The following SPAG17 variants were observed in gnomAD, a reference collection of about 807,000 sequenced individuals.
The protein encoded by SPAG17 is sperm-associated antigen 17.
In SPAG17, 169 loss-of-function variants were observed where a neutral mutation model predicts 273.6. That is an observed-to-expected ratio of 0.62 (90% CI 0.55 to 0.70). The LOEUF (loss-of-function observed/expected upper bound fraction) is 0.70. SPAG17 is among the 30% of genes least tolerant of loss of function. The pLI, the probability that SPAG17 is intolerant of heterozygous loss-of-function variation, is 0.00. For missense variants in SPAG17, 2,557 were observed against 2,627.8 expected (o/e 0.97, Z 0.59); for synonymous variants, 825 against 873.2 (o/e 0.94, Z 0.97).
chr1:118,174,881 A>G (rs1199674429), intron 1 of SPAG17, among the ~76,000 whole-genome samples: 1 of 152,208 alleles, frequency 6.6e-6, no homozygotes, highest in East Asian at 1.9e-4. Flanking sequence ...TGCTTCAAAA[A>G]TGAAGAAGAA....
In SPAG17 at chr1:118,151,354, A is replaced by G; in HGVS notation, c.103T>C (p.Ser35Pro). The G allele has an allele frequency of 6.2e-7, 1 of 1,612,506 alleles. No homozygotes were observed. The highest frequency in any genetic ancestry group is 2.2e-5 in the East Asian group (1 of 44,840). ...AQFNQNDWQA[S>P]IAFVVGNQIE... ...TGGTTCCCAACCACAAAAGCAATGG[A>G]GGCCTGCCAATCGTTCTATTAAAAA... The change falls in exon 2 of 49, where the codon TCC (serine) becomes CCC (proline). Residue 35 changes from serine (S) to proline (P), a missense_variant. Coordinates refer to ENST00000336338, the MANE Select transcript of SPAG17 (RefSeq NM_206996.4).
chr1:118,143,625 T>C (rs1373001520), intron 3 of SPAG17, among the ~76,000 whole-genome samples: 1 of 152,248 alleles, frequency 6.6e-6, no homozygotes, highest in Non-Finnish European at 1.5e-5. Context: ...ATACATGTGT[T>C]CAATAAGTGG....
At position 118,091,694 on chromosome 1, in the gene SPAG17, A is replaced by T. The variant is rs149356197; in HGVS notation, c.1271T>A (p.Val424Glu). ...CAAATAATTGTAATATCTCATGTCTACTTCAGTTGTGATGACTGAAGTCAC... is the reference window on the plus strand; with the variant it reads ...CAAATAATTGTAATATCTCATGTCTTCTTCAGTTGTGATGACTGAAGTCAC... ...PPVTSVITTE[V>E]DMRYYNYLLN... The change falls in exon 10 of 49, where the codon GTA (valine) becomes GAA (glutamate). Residue 424 changes from valine to glutamate, a missense_variant. Transcript: ENST00000336338. The T allele has an allele frequency of 1.2e-6, 2 of 1,610,044 alleles. No homozygotes were observed. Among genetic ancestry groups the T allele is most frequent in the Middle Eastern group, 1.7e-4 (1 of 6,048 alleles).
At chr1:118,040,119 C>A (rs1219688412) in intron 22 of SPAG17, among the ~76,000 whole-genome samples, 1 of 152,132 alleles carries the variant, frequency 6.6e-6, no homozygotes, top group Non-Finnish European at 1.5e-5. Context: ...ACAACGCATT[C>A]TCTTTTTTAG....
At chr1:117,994,202 A>G (rs975662387) in intron 35 of SPAG17, among the ~76,000 whole-genome samples, 4 of 152,182 alleles carry the variant, frequency 2.6e-5, no homozygotes, top group Non-Finnish European at 5.9e-5. Context: ...AACTGAAATG[A>G]GCTAGCCAGG....
Position 118,093,249 on chromosome 1 carries a change from C to A in SPAG17, c.1080G>T (p.Arg360Ser). The change falls in exon 8 of 49, where the codon AGG becomes AGT. Residue 360 changes from arginine (R) to serine (S), a missense_variant. Physicochemically the swap from Arg to Ser is moderately radical, Grantham distance 110. Coordinates refer to ENST00000336338, the MANE Select transcript of SPAG17 (RefSeq NM_206996.4). ...CLMYDILDWKRQHQHYLESMQ... is the reference protein window; with the variant it reads ...CLMYDILDWKSQHQHYLESMQ... Reference sequence around the variant, plus strand: ...TGCTTTCCAAATAGTGCTGGTGCTGCCTTTTCCAATCCAGGATGTCATACA... The same window carrying A: ...TGCTTTCCAAATAGTGCTGGTGCTGACTTTTCCAATCCAGGATGTCATACA... 1 of 1,613,664 alleles carries A rather than the reference C, an allele frequency of 6.2e-7. No individual in the cohort carries two copies. The highest frequency in any genetic ancestry group is 8.5e-7 in the Non-Finnish European group (1 of 1,179,796).
At chr1:118,169,793 A>G (rs1039315055) in intron 1 of SPAG17, among the ~76,000 whole-genome samples, 3 of 152,206 alleles carry the variant, frequency 2.0e-5, no homozygotes, top group African/African-American at 7.2e-5. Context: ...TATAAGAATT[A>G]GAAGCTTTGT....
rs192457614 is a variant in SPAG17, at chr1:118,046,201, G to A, written c.2815-4159C>T. Among the ~76,000 whole-genome samples the A allele has an allele frequency of 4.9e-4, 75 of 152,130 alleles. 1 individual carries two copies. Among genetic ancestry groups the A allele is most frequent in the Middle Eastern group, 3.4e-3 (1 of 294 alleles). On this transcript the variant is annotated intron_variant, in intron 20 of 48. Transcript: ENST00000336338. ...AAAGTTAAAAACTTAGCTGGGCATGGTGGCACACTGCTATAGTCCTAGCTA... is the reference window on the plus strand; with the variant it reads ...AAAGTTAAAAACTTAGCTGGGCATGATGGCACACTGCTATAGTCCTAGCTA...
chr1:118,147,673 G>A (rs149522030), intron 3 of SPAG17, among the ~76,000 whole-genome samples: 3 of 152,334 alleles, frequency 2.0e-5, no homozygotes, highest in African/African-American at 4.8e-5. Flanking sequence ...GCCATGGCTA[G>A]ATGAAATTCT....
chr1:118,099,522 G>C, intron 6 of SPAG17, 84 bp downstream of exon 6: 1 of 1,262,088 alleles, frequency 7.9e-7, no homozygotes, highest in Non-Finnish European at 1.1e-6. Flanking sequence ...GTAAGACTAT[G>C]TTTTGGACAG....
intron 1 of SPAG17, among the ~76,000 whole-genome samples, chr1:118,165,645 CTT>C (rs5777341): frequency 1.8e-5 from 2 of 108,342 alleles, no homozygotes; most frequent in African/African-American, 7.3e-5. Context: ...AAAAAACTTT[CTT>C]TTTTTTTTTT....
chr1:118,177,041 G>A (rs1292910582), intron 1 of SPAG17, among the ~76,000 whole-genome samples: 2 of 152,004 alleles, frequency 1.3e-5, no homozygotes, highest in African/African-American at 2.4e-5. Context: ...ATGGAATACA[G>A]CAAAATAAAT....
intron 1 of SPAG17, among the ~76,000 whole-genome samples, chr1:118,165,645 CTTTT>C (rs5777341): frequency 9.2e-6 from 1 of 108,350 alleles, no homozygotes. Flanking sequence ...AAAAAACTTT[CTTTT>C]TTTTTTTTTT....
intron 3 of SPAG17, among the ~76,000 whole-genome samples, chr1:118,135,740 CAG>C (rs1023177600): frequency 2.6e-5 from 4 of 152,148 alleles, no homozygotes; most frequent in African/African-American, 9.7e-5. Context: ...TGTGTGTGAG[CAG>C]AGTCTTTGGC....
rs558088195 is a variant in SPAG17 at position 118,144,695 on chromosome 1, T to C, written c.315+5848A>G. Among the ~76,000 whole-genome samples the C allele has an allele frequency of 5.9e-5, 9 of 152,334 alleles. No homozygotes were observed. In the South Asian group the frequency reaches 1.4e-3, roughly 25 times the overall value. ...TGGTGTGGGCCACGTTCTGTAGGCA[T>C]CCCTGAAGGACTGATGTGGAACGGA... On this transcript the variant is annotated intron_variant, in intron 3 of 48. Transcript: ENST00000336338.
At chr1:118,175,298 G>A (rs943347566) in intron 1 of SPAG17, among the ~76,000 whole-genome samples, 4 of 152,086 alleles carry the variant, frequency 2.6e-5, no homozygotes, top group African/African-American at 4.8e-5. Context: ...CCAAAGTGCT[G>A]GGATCACAGG....
intron 3 of SPAG17, among the ~76,000 whole-genome samples, chr1:118,148,029 A>G (rs569714449): frequency 5.3e-4 from 81 of 152,298 alleles, no homozygotes; most frequent in South Asian, 1.0e-3. Context: ...CAGGTGTTTA[A>G]ATGCATGGCT....
Position 118,101,755 on chromosome 1 carries a change from TGTGGTCGTCTTCTCCTCTCCG to T in SPAG17, c.598_618del (p.Arg200_His206del). ...CCTTACTGACCAATGTAACGATTGG[TGTGGTCGTCTTCTCCTCTCCG>T]CTTTAACTGGGTGGTCTTTTTCACT... On this transcript the variant is annotated inframe_deletion, in exon 5 of 49. Transcript: ENST00000336338. 6.2e-7 allele frequency: 1 copy of T among 1,613,504 alleles called. No individual in the cohort carries two copies. Among genetic ancestry groups the T allele is most frequent in the Non-Finnish European group, 8.5e-7 (1 of 1,179,870 alleles).
At chr1:118,090,917 A>C (rs896614547) in intron 10 of SPAG17, among the ~76,000 whole-genome samples, 24 of 151,902 alleles carry the variant, frequency 1.6e-4, no homozygotes, top group East Asian at 7.7e-4. Context: ...TATATAAATA[A>C]ATAGATGAAG....
Sources: allele counts gnomAD v4.1 joint callset (sites outside exome capture counted in the v4.1 genomes callset), GRCh38; gene constraint gnomAD v4.1.1; transcripts MANE v1.5; gene names NCBI Gene and HGNC (gene_info 2026-07-23, HGNC 2026-07-21).